The following NBPF6 variants were observed in gnomAD, a reference collection of about 807,000 sequenced individuals.
The protein encoded by NBPF6 is NBPF member 6.
In NBPF6, 2 loss-of-function variants were observed where a neutral mutation model predicts 20.8. The ratio of observed to expected loss-of-function variants is 0.10; its 90% CI spans 0.04 to 0.30. The LOEUF is 0.30. Among genes scored for constraint, NBPF6 ranks in the 10% least tolerant of loss-of-function variants. The pLI is 1.00. For missense variants in NBPF6, 85 were observed against 260.3 expected (o/e 0.33, Z 4.63); for synonymous variants, 24 against 100.0 (o/e 0.24, Z 4.53).
Position 108,470,652 on chromosome 1 carries a change from A to G in NBPF6, c.*14A>G. ...ATGATAGGATGAAAGAATGTCACAAAAAGCAGCTTTTCCACTTGATAAAAA... is the reference window on the plus strand; with the variant it reads ...ATGATAGGATGAAAGAATGTCACAAGAAGCAGCTTTTCCACTTGATAAAAA... On this transcript the variant is annotated 3_prime_UTR_variant, in exon 15 of 15. Transcript: ENST00000495380. 1 of 1,555,720 alleles carries G rather than the reference A, an allele frequency of 6.4e-7. No individual in the cohort carries two copies. The highest frequency in any genetic ancestry group is 8.7e-7 in the Non-Finnish European group (1 of 1,149,270).
chr1:108,448,280 C>G (rs929289838), upstream of NBPF6, among the ~76,000 whole-genome samples: 1 of 145,688 alleles, frequency 6.9e-6, no homozygotes, highest in East Asian at 2.0e-4. Context: ...TCTCAGAGAC[C>G]TGACATTCTG....
At chr1:108,449,345 C>T (rs1481186915), upstream of NBPF6, among the ~76,000 whole-genome samples, 2 of 14,344 alleles carry the variant, frequency 1.4e-4, no homozygotes, top group African/African-American at 1.9e-4. Context: ...ACCAACCACC[C>T]GTGACCATGA....
rs563514383 is a variant in NBPF6 at position 108,471,248 on chromosome 1, T to C, written c.*610T>C. 6.6e-6 allele frequency among the ~76,000 whole-genome samples: 1 copy of C among 152,336 alleles called. No homozygotes were observed. Among genetic ancestry groups the C allele is most frequent in the East Asian group, 1.9e-4 (1 of 5,184 alleles). ...GTTGTTGTCATCGATGGTGGTGACA[T>C]GGACTTGTTTGTGGAGGACGGGTCA... On this transcript the variant is annotated 3_prime_UTR_variant, in exon 15 of 15. Coordinates refer to ENST00000495380, the MANE Select transcript of NBPF6 (RefSeq NM_001143988.2).
chr1:108,465,408 C>T lies in NBPF6; in HGVS notation c.1644C>T (p.Asn548=). Residue 548 remains asparagine, a synonymous_variant, in exon 13 of 15, where the codon AAC becomes AAT. Coordinates refer to ENST00000495380, the MANE Select transcript of NBPF6 (RefSeq NM_001143988.2). ...CSFSANADSG[N]QWPFQELVLE... is the part of the protein sequence containing the mutation. ...TCTCAGCCAATGCTGATTCTGGGAA[C>T]CAATGGCCCTTCCAAGGTAGGGAAG... 1 of 691,674 alleles carries T rather than the reference C, an allele frequency of 1.4e-6. No homozygotes were observed. Among genetic ancestry groups the T allele is most frequent in the African/African-American group, 3.3e-5 (1 of 30,252 alleles). 42.8% of individuals were successfully genotyped at this position (691,674 alleles called of 1,614,324 possible). A position where few individuals can be genotyped will look rare whatever the true frequency, so the allele number is the denominator to read the frequency against.
chr1:108,448,496 A>C (rs1327598356), upstream of NBPF6, among the ~76,000 whole-genome samples: 1 of 139,146 alleles, frequency 7.2e-6, no homozygotes, highest in Non-Finnish European at 1.6e-5. Flanking sequence ...TTTCGGTCCC[A>C]ATGCTGAAGG....
At position 108,465,355 on chromosome 1, in the gene NBPF6, C is replaced by T. The variant is rs1231522021; in HGVS notation, c.1591C>T (p.Arg531Trp). The change falls in exon 13 of 15, where the codon CGG (arginine) becomes TGG (tryptophan). Residue 531 changes from arginine to tryptophan, a missense_variant. Transcript: ENST00000495380. ...GFHCGNGLAQRGLSSTTCSFS... is the reference protein window; with the variant it reads ...GFHCGNGLAQWGLSSTTCSFS... ...CCACTGTGGGAACGGCTTGGCCCAG[C>T]GGGGCCTTTCCTCCACCACCTGCAG... 26 of 1,071,338 alleles carry T rather than the reference C, an allele frequency of 2.4e-5. 6 individuals carry two copies. The East Asian group carries it at 3.2e-4, about 13-fold the overall frequency. The allele number at this position is 1,071,338 out of a possible 1,614,324, so 66.4% of individuals were successfully genotyped here. A position where few individuals can be genotyped will look rare whatever the true frequency, so the allele number is the denominator to read the frequency against.
At chr1:108,430,149 CCT>C in the NBPF6 span, among the ~76,000 whole-genome samples, 3 of 36,580 alleles carry the variant, frequency 8.2e-5, no homozygotes, top group African/African-American at 1.6e-4. Context: ...GATTGCAACC[CCT>C]GTTTTTTTTT....
intron 14 of NBPF6, among the ~76,000 whole-genome samples, chr1:108,468,207 T>G (rs1653255758): frequency 6.6e-6 from 1 of 151,216 alleles, no homozygotes; most frequent in Non-Finnish European, 1.5e-5. Flanking sequence ...GAAACTAAAC[T>G]AGAACCAGGG....
chr1:108,471,319 C>T lies in NBPF6; in HGVS notation c.*681C>T, dbSNP rs903822686. On this transcript the variant is annotated 3_prime_UTR_variant, in exon 15 of 15. Coordinates refer to ENST00000495380, the MANE Select transcript of NBPF6 (RefSeq NM_001143988.2). Reference sequence around the variant, plus strand: ...ACATTCTGAAGTTATCTGAAAATGTCGTCATGATTAAATTCAGCCTAAACA... The same window carrying T: ...ACATTCTGAAGTTATCTGAAAATGTTGTCATGATTAAATTCAGCCTAAACA... Among the ~76,000 whole-genome samples, 3 of 152,086 alleles carry T rather than the reference C, an allele frequency of 2.0e-5. No individual in the cohort carries two copies. The highest frequency in any genetic ancestry group is 4.4e-5 in the Non-Finnish European group (3 of 68,008).
chr1:108,471,304 G>C lies in NBPF6; in HGVS notation c.*666G>C, dbSNP rs1653459133. On this transcript the variant is annotated 3_prime_UTR_variant, in exon 15 of 15. Coordinates refer to ENST00000495380, the MANE Select transcript of NBPF6 (RefSeq NM_001143988.2). ...CTGGCTCAATGGTCTACATTCTGAA[G>C]TTATCTGAAAATGTCGTCATGATTA... Among the ~76,000 whole-genome samples, 1 of 152,168 alleles carries C rather than the reference G, an allele frequency of 6.6e-6. No homozygotes were observed. Among genetic ancestry groups the C allele is most frequent in the Non-Finnish European group, 1.5e-5 (1 of 68,028 alleles).
rs879516751 is a variant in NBPF6, at chr1:108,471,632, A to T, written c.*994A>T. Among the ~76,000 whole-genome samples the T allele has an allele frequency of 1.3e-5, 2 of 152,204 alleles. No homozygotes were observed. The highest frequency in any genetic ancestry group is 2.9e-5 in the Non-Finnish European group (2 of 68,032). On this transcript the variant is annotated 3_prime_UTR_variant, in exon 15 of 15. Coordinates refer to ENST00000495380, the MANE Select transcript of NBPF6 (RefSeq NM_001143988.2). ...TCAGTTATTATATTTATGTTTTTACATTGGAAATTGTCTTCTCAAAATTTT... is the reference window on the plus strand; with the variant it reads ...TCAGTTATTATATTTATGTTTTTACTTTGGAAATTGTCTTCTCAAAATTTT...
rs200072289 is a variant in NBPF6, at chr1:108,465,287, C to T, written c.1523C>T (p.Thr508Ile). 1.1e-3 allele frequency: 1,282 copies of T among 1,192,458 alleles called. 403 individuals carry two copies. The highest frequency in any genetic ancestry group is 1.2e-3 in the Non-Finnish European group (1,058 of 880,458). The allele number at this position is 1,192,458 out of a possible 1,614,324, so 73.9% of individuals were successfully genotyped here. A position where few individuals can be genotyped will look rare whatever the true frequency, so the allele number is the denominator to read the frequency against. The change falls in exon 13 of 15, where the codon ACC becomes ATC. Residue 508 changes from threonine to isoleucine, a missense_variant. By Grantham distance (89) the Thr-to-Ile change is moderately conservative. Coordinates refer to ENST00000495380, the MANE Select transcript of NBPF6 (RefSeq NM_001143988.2). ...TCACAGGCACAGCTGGAACCAAGCA[C>T]CCTGGTGCCCAGTTGTCTGCGACTA... ...QISQAQLEPS[T>I]LVPSCLRLQL...
intron 2 of NBPF6, among the ~76,000 whole-genome samples, chr1:108,451,210 G>A (rs1243018154): frequency 1.9e-5 from 1 of 51,366 alleles, no homozygotes; most frequent in African/African-American, 4.5e-5. Flanking sequence ...CCATCCAGAG[G>A]ACCCTGGGGG....
At chr1:108,468,331 G>T (rs545757157) in intron 14 of NBPF6, among the ~76,000 whole-genome samples, 1 of 140,474 alleles carries the variant, frequency 7.1e-6, no homozygotes, top group East Asian at 2.1e-4. Context: ...TCACCTCATG[G>T]ACTCACTTGA....
At chr1:108,434,807 C>T in the NBPF6 span, among the ~76,000 whole-genome samples, 3 of 84,086 alleles carry the variant, frequency 3.6e-5, 1 homozygote, top group Non-Finnish European at 8.9e-5. Flanking sequence ...ATCTTAACAT[C>T]CAATAGGAAC....
At chr1:108,448,976 T>C (rs1290526155), upstream of NBPF6, among the ~76,000 whole-genome samples, 3 of 24,528 alleles carry the variant, frequency 1.2e-4, 1 homozygote, top group African/African-American at 2.1e-4. Flanking sequence ...CACCAGAGAA[T>C]AGATAAATTT....
At chr1:108,437,793 A>C in the NBPF6 span, among the ~76,000 whole-genome samples, 1 of 30,414 alleles carries the variant, frequency 3.3e-5, no homozygotes, top group African/African-American at 8.3e-5. Flanking sequence ...GGAGAGAGGG[A>C]GGGAGGGGAG....
At chr1:108,447,996 C>T (rs1210888415), upstream of NBPF6, among the ~76,000 whole-genome samples, 4 of 146,510 alleles carry the variant, frequency 2.7e-5, no homozygotes, top group African/African-American at 7.6e-5. Context: ...TAAACCAGTG[C>T]TTAGATTATT....
upstream of NBPF6, among the ~76,000 whole-genome samples, chr1:108,448,654 C>G (rs1274732721): frequency 1.0e-5 from 1 of 97,750 alleles, no homozygotes; most frequent in African/African-American, 3.6e-5. Context: ...GGTTTCTTAC[C>G]TGTTTCTTAT....
Sources: gnomAD v4.1 joint callset for allele counts (sites outside exome capture counted in the v4.1 genomes callset) on GRCh38, gnomAD v4.1.1 for gene constraint, MANE v1.5 for transcripts, NCBI Gene and HGNC (gene_info 2026-07-23, HGNC 2026-07-21) for gene names.